NOMO1: variants seen among roughly 807,000 people sequenced by gnomAD.
NOMO1 encodes the protein NODAL modulator 1, also known as nodal modulator 3.
A neutral mutation model predicts 133.8 loss-of-function variants in NOMO1; 40 were observed. That is an observed-to-expected ratio of 0.30 (90% CI 0.23 to 0.39). The LOEUF is 0.39. NOMO1 is among the 10% of genes least tolerant of loss of function. NOMO1 has a pLI of 1.00. For synonymous variants in NOMO1, 236 were observed against 570.5 expected, an observed-to-expected ratio of 0.41 and a Z score of 8.36; for missense variants, 462 against 1,419.9, an observed-to-expected ratio of 0.33 and a Z score of 10.84.
At chr16:14,843,470 C>T (rs1301964115) in intron 3 of NOMO1, among the ~76,000 whole-genome samples, 2 of 151,966 alleles carry the variant, frequency 1.3e-5, no homozygotes, top group Non-Finnish European at 2.9e-5. Flanking sequence ...TTGGTGTTCT[C>T]CCAGCAGTGT....
In NOMO1 at chr16:14,859,319, G is replaced by A. The variant is rs535617809; in HGVS notation, c.1220+1664G>A. Among the ~76,000 whole-genome samples the A allele has an allele frequency of 2.7e-3, 415 of 152,034 alleles. 1 individual carries two copies. The highest frequency in any genetic ancestry group is 9.5e-3 in the African/African-American group (391 of 41,360). ...GACAGATGGAGGTCGAGGTCAAGGA[G>A]TCCAGTGGTGAATGGAAGACAGGGA... On this transcript the variant is annotated intron_variant, in intron 11 of 30. Coordinates refer to ENST00000287667, the MANE Select transcript of NOMO1 (RefSeq NM_014287.4).
intron 11 of NOMO1, chr16:14,862,580 C>T (rs897572014): frequency 1.1e-5 from 2 of 179,366 alleles, no homozygotes; most frequent in African/African-American, 4.8e-5. Context: ...TATTTGATGG[C>T]CTGGTAATGC....
At position 14,857,165 on chromosome 16, in the gene NOMO1, C is replaced by G. The variant is rs532306148; in HGVS notation, c.964-52C>G. 20 of 1,612,360 alleles carry G rather than the reference C, an allele frequency of 1.2e-5. 1 individual carries two copies. The East Asian group carries it at 3.8e-4, about 31-fold the overall frequency. On this transcript the variant is annotated intron_variant, in intron 9 of 30. Coordinates refer to ENST00000287667, the MANE Select transcript of NOMO1 (RefSeq NM_014287.4). ...GGCGCAGCAGAAGGAGTCTTTGTGG[C>G]TCTGGCACAGGAGCACCTTCGAGCA... is the stretch of plus-strand genomic sequence containing the variant.
intron 11 of NOMO1, among the ~76,000 whole-genome samples, chr16:14,861,658 T>C (rs1021534299): frequency 2.7e-5 from 4 of 149,062 alleles, no homozygotes; most frequent in Admixed American, 6.7e-5. Context: ...CTGGGACACT[T>C]TCTCTGTGGA....
rs536337280 is a variant in NOMO1 at position 14,875,771 on chromosome 16, G to A, written c.2356+349G>A. Among the ~76,000 whole-genome samples the A allele has an allele frequency of 7.2e-5, 11 of 152,030 alleles. No individual in the cohort carries two copies. In the South Asian group the frequency reaches 2.1e-3, roughly 29 times the overall value. On this transcript the variant is annotated intron_variant, in intron 20 of 30. Coordinates refer to ENST00000287667, the MANE Select transcript of NOMO1 (RefSeq NM_014287.4). ...CACCAGAAGGTAGATGAAGCACAAAGCTGCCAGTGATGATCTTTAATGATC... is the reference window on the plus strand; with the variant it reads ...CACCAGAAGGTAGATGAAGCACAAAACTGCCAGTGATGATCTTTAATGATC...
chr16:14,846,200 T>C (rs1157766381), intron 4 of NOMO1, among the ~76,000 whole-genome samples: 1 of 147,926 alleles, frequency 6.8e-6, no homozygotes, highest in Non-Finnish European at 1.5e-5. Flanking sequence ...CTAATTTTTG[T>C]ATTTTTAGTA....
intron 4 of NOMO1, among the ~76,000 whole-genome samples, chr16:14,845,432 G>A: frequency 6.6e-6 from 1 of 152,000 alleles, no homozygotes; most frequent in Non-Finnish European, 1.5e-5. Context: ...GTCCCTGTGG[G>A]TGAATTGAAG....
At chr16:14,867,086 AC>A (rs2151002866) in intron 15 of NOMO1, among the ~76,000 whole-genome samples, 2 of 120,522 alleles carry the variant, frequency 1.7e-5, no homozygotes, top group Non-Finnish European at 3.4e-5. Context: ...GCTTAAGTGA[AC>A]CCTCTTAGGT....
chr16:14,886,622 T>A (rs1964327686), intron 27 of NOMO1, 139 bp from the exon 28 acceptor site: 2 of 1,108,318 alleles, frequency 1.8e-6, no homozygotes, highest in Non-Finnish European at 2.6e-6. Flanking sequence ...GTGTGATGTC[T>A]ATGGAGGGAG....
At chr16:14,879,634 A>G (rs1207547595) in intron 23 of NOMO1, among the ~76,000 whole-genome samples, 1 of 139,380 alleles carries the variant, frequency 7.2e-6, no homozygotes, top group African/African-American at 2.8e-5. Flanking sequence ...GGTCCCAGGT[A>G]CTCAGGAGGC....
Position 14,880,071 on chromosome 16 carries a change from C to G in NOMO1, c.2814C>G (p.Ser938=). ...PMMKEFRFEP[S]SQMIEVQEGQ... ...TGAAGGAGTTCCGGTTTGAGCCATC[C>G]TCACAGATGATCGAGGTGCAGGAAG... The change falls in exon 24 of 31, where the codon TCC becomes TCG. Residue 938 remains serine, a synonymous_variant. Coordinates refer to ENST00000287667, the MANE Select transcript of NOMO1 (RefSeq NM_014287.4). The G allele has an allele frequency of 6.2e-7, 1 of 1,610,958 alleles. No homozygotes were observed. The highest frequency in any genetic ancestry group is 8.5e-7 in the Non-Finnish European group (1 of 1,179,690).
chr16:14,846,193 AT>A (rs1370985626), intron 4 of NOMO1, among the ~76,000 whole-genome samples: 2 of 146,682 alleles, frequency 1.4e-5, no homozygotes, highest in African/African-American at 2.5e-5. Context: ...CGCCCAGCTA[AT>A]TTTTGTATTT....
chr16:14,855,376 G>T (rs1963818564), intron 9 of NOMO1, among the ~76,000 whole-genome samples: 1 of 151,226 alleles, frequency 6.6e-6, no homozygotes, highest in Non-Finnish European at 1.5e-5. Context: ...AAATTGGCTA[G>T]CTAGAACAAA....
intron 22 of NOMO1, among the ~76,000 whole-genome samples, chr16:14,878,488 T>C (rs1408905374): frequency 1.1e-5 from 1 of 94,350 alleles, no homozygotes; most frequent in Admixed American, 1.5e-4. Flanking sequence ...AGCAAGACCC[T>C]GTCTCAAAAA....
intron 23 of NOMO1, among the ~76,000 whole-genome samples, chr16:14,879,588 TA>T (rs1322628856): frequency 7.1e-6 from 1 of 141,462 alleles, no homozygotes; most frequent in Non-Finnish European, 1.5e-5. Context: ...CTACAAAAAA[TA>T]AAAAAATTAG....
intron 15 of NOMO1, among the ~76,000 whole-genome samples, chr16:14,867,904 T>C (rs1194744778): frequency 7.5e-6 from 1 of 132,474 alleles, no homozygotes; most frequent in Non-Finnish European, 1.7e-5. Flanking sequence ...CTTTTTTTTT[T>C]TTTTTTGACA....
intron 26 of NOMO1, among the ~76,000 whole-genome samples, chr16:14,883,417 ACCT>A (rs1336949390): frequency 1.3e-5 from 2 of 150,248 alleles, no homozygotes; most frequent in East Asian, 2.0e-4. Context: ...GCTCACTGCA[ACCT>A]CCTCCTTGTG....
intron 1 of NOMO1, among the ~76,000 whole-genome samples, chr16:14,836,393 T>G (rs1160498299): frequency 6.6e-6 from 1 of 152,122 alleles, no homozygotes; most frequent in African/African-American, 2.4e-5. Flanking sequence ...GTTCGTTTTA[T>G]GAGTTAGTCA....
At chr16:14,887,590 G>A (rs547235337) in intron 28 of NOMO1, among the ~76,000 whole-genome samples, 96 of 151,764 alleles carry the variant, frequency 6.3e-4, no homozygotes, top group African/African-American at 2.0e-3. Context: ...GTGAGCCCCC[G>A]TGCCTGGCCA....
Sources: gnomAD v4.1 joint callset for allele counts (sites outside exome capture counted in the v4.1 genomes callset) on GRCh38, gnomAD v4.1.1 for gene constraint, MANE v1.5 for transcripts, NCBI Gene and HGNC (gene_info 2026-07-23, HGNC 2026-07-21) for gene names.